Variants in NAALADL2 observed in about 807,000 individuals in gnomAD.
NAALADL2 encodes N-acetylated alpha-linked acidic dipeptidase like 2, also known as inactive N-acetylated-alpha-linked acidic dipeptidase-like protein 2.
NAALADL2 carries 76 observed loss-of-function variants against 87.2 expected under a neutral mutation model. The ratio of observed to expected loss-of-function variants is 0.87; its 90% CI spans 0.72 to 1.05. The LOEUF is 1.05. NAALADL2 is among the 50% of genes least tolerant of loss of function. The pLI, the probability that NAALADL2 is intolerant of heterozygous loss-of-function variation, is 0.00. For missense variants in NAALADL2, 1,089 were observed against 945.8 expected, an observed-to-expected ratio of 1.15 and a Z score of -1.99; for synonymous variants, 354 against 331.0, an observed-to-expected ratio of 1.07 and a Z score of -0.75.
chr3:174,757,477 T>C (rs984257806), intron 3 of NAALADL2, among the ~76,000 whole-genome samples: 3 of 152,040 alleles, frequency 2.0e-5, no homozygotes, highest in African/African-American at 7.2e-5. Context: ...TGGCCTGAGA[T>C]GAAAATAGAG....
At chr3:175,740,194 A>G (rs888237921) in intron 12 of NAALADL2, among the ~76,000 whole-genome samples, 14 of 152,244 alleles carry the variant, frequency 9.2e-5, no homozygotes, top group African/African-American at 3.1e-4. Context: ...AAGAGGAAGT[A>G]ATCAACTGTG....
In NAALADL2 at chr3:175,184,207, A is replaced by T. The variant is rs537055492; in HGVS notation, c.546-49724A>T. On this transcript the variant is annotated intron_variant, in intron 2 of 13. Transcript: ENST00000454872. Reference sequence around the variant, plus strand: ...TGTAGGATCAACGCCATCTGGAAGAATGGAGTTTGCATGAGAATTACTTTA... The same window carrying T: ...TGTAGGATCAACGCCATCTGGAAGATTGGAGTTTGCATGAGAATTACTTTA... Among the ~76,000 whole-genome samples the T allele has an allele frequency of 2.0e-5, 3 of 152,242 alleles. No individual in the cohort carries two copies. The East Asian group carries it at 5.8e-4, about 29-fold the overall frequency.
intron 1 of NAALADL2, among the ~76,000 whole-genome samples, chr3:174,497,742 G>A (rs890903616): frequency 3.9e-5 from 6 of 152,072 alleles, no homozygotes; most frequent in African/African-American, 1.4e-4. Flanking sequence ...TCTTTTGAAT[G>A]AATAAATGGT....
Position 175,749,636 on chromosome 3 carries a change from G to A in NAALADL2, c.1991-5584G>A, listed in dbSNP as rs893600785. 1.2e-3 allele frequency among the ~76,000 whole-genome samples: 182 copies of A among 152,292 alleles called. 1 individual carries two copies. Among genetic ancestry groups the A allele is most frequent in the Non-Finnish European group, 4.1e-4 (28 of 68,022 alleles). On this transcript the variant is annotated intron_variant, in intron 12 of 13. Transcript: ENST00000454872. ...AAAGCAGAGCCCCCAAGGCCTAATG[G>A]CCTCTGAAAGGCTCCACCTTCCAAT... is the stretch of plus-strand genomic sequence containing the variant.
intron 9 of NAALADL2, among the ~76,000 whole-genome samples, chr3:175,539,824 T>C (rs1711986078): frequency 6.6e-6 from 1 of 152,306 alleles, no homozygotes; most frequent in South Asian, 2.1e-4. Context: ...CTTTGAACTG[T>C]AGGGCATAGT....
intron 9 of NAALADL2, among the ~76,000 whole-genome samples, chr3:175,503,378 T>G (rs537399692): frequency 1.2e-4 from 19 of 152,284 alleles, no homozygotes; most frequent in Middle Eastern, 6.8e-3. Flanking sequence ...TGAATAGTGC[T>G]GAAATGAACA....
intron 2 of NAALADL2, among the ~76,000 whole-genome samples, chr3:175,114,232 A>G (rs1399843175): frequency 1.3e-5 from 2 of 151,652 alleles, no homozygotes; most frequent in Non-Finnish European, 3.0e-5. Context: ...CTCTGGAGAA[A>G]GAGAAGAATT....
chr3:174,887,524 G>T (rs1175739889), intron 1 of NAALADL2, among the ~76,000 whole-genome samples: 2 of 152,106 alleles, frequency 1.3e-5, no homozygotes, highest in Non-Finnish European at 2.9e-5. Flanking sequence ...GCCAGTCATG[G>T]TGGCTCACAT....
At position 174,721,594 on chromosome 3, in the gene NAALADL2, A is replaced by C. The variant is rs914240994; in HGVS notation, c.-114-16047A>C. On this transcript the variant is annotated intron_variant, in intron 2 of 3. Coordinates refer to the NAALADL2 transcript ENST00000434257. ...TTTGTGTCTGAATAAAATAAGTTTG[A>C]TGGTATGGAGGAGAGCTCGAAGCAG... 4.6e-5 allele frequency among the ~76,000 whole-genome samples: 7 copies of C among 152,208 alleles called. 1 individual carries two copies. The highest frequency in any genetic ancestry group is 1.2e-4 in the African/African-American group (5 of 41,454).
intron 5 of NAALADL2, among the ~76,000 whole-genome samples, chr3:175,354,436 C>T (rs1305370497): frequency 6.6e-6 from 1 of 151,742 alleles, no homozygotes; most frequent in African/African-American, 2.4e-5. Flanking sequence ...ATTAGTAATA[C>T]TCAAGAAATA....
At chr3:175,190,839 G>C (rs977141754) in intron 2 of NAALADL2, among the ~76,000 whole-genome samples, 5 of 151,844 alleles carry the variant, frequency 3.3e-5, no homozygotes, top group Non-Finnish European at 7.4e-5. Context: ...TTAGCCGGGC[G>C]TGGTGGCGGG....
chr3:175,566,295 C>A lies in NAALADL2; in HGVS notation c.1654-9746C>A, dbSNP rs138458859. 2.0e-3 allele frequency among the ~76,000 whole-genome samples: 309 copies of A among 152,308 alleles called. 2 individuals are homozygous for A. The highest frequency in any genetic ancestry group is 7.1e-3 in the African/African-American group (294 of 41,580). On this transcript the variant is annotated intron_variant, in intron 9 of 13. Transcript: ENST00000454872. ...AATACAAAAGTAATAAGCAAATTGA[C>A]AATGGGCAGTTTTTCTTCTAAACCC...
chr3:175,237,953 C>G (rs1047117714), intron 3 of NAALADL2, among the ~76,000 whole-genome samples: 1 of 152,118 alleles, frequency 6.6e-6, no homozygotes, highest in African/African-American at 2.4e-5. Flanking sequence ...AAATGAAAAA[C>G]TTAAGAGAAC....
intron 3 of NAALADL2, among the ~76,000 whole-genome samples, chr3:175,242,765 T>C (rs1747168501): frequency 6.6e-6 from 1 of 152,096 alleles, no homozygotes; most frequent in Non-Finnish European, 1.5e-5. Flanking sequence ...GGGGACACAG[T>C]GGTAAATAAG....
chr3:174,997,961 T>G (rs1375911017), intron 1 of NAALADL2, among the ~76,000 whole-genome samples: 1 of 152,188 alleles, frequency 6.6e-6, no homozygotes, highest in Non-Finnish European at 1.5e-5. Flanking sequence ...TAACCATGTT[T>G]CCTTAGATTA....
At chr3:174,813,414 A>G (rs1400420635) in intron 3 of NAALADL2, among the ~76,000 whole-genome samples, 2 of 151,894 alleles carry the variant, frequency 1.3e-5, no homozygotes, top group Non-Finnish European at 2.9e-5. Flanking sequence ...CTATGTTTAG[A>G]CACACAAATA....
chr3:174,605,972 C>G (rs1326602328), intron 2 of NAALADL2, among the ~76,000 whole-genome samples: 1 of 152,198 alleles, frequency 6.6e-6, no homozygotes, highest in East Asian at 1.9e-4. Context: ...TGAGACAAAA[C>G]TTCCAGAGGA....
intron 2 of NAALADL2, among the ~76,000 whole-genome samples, chr3:174,716,009 G>A (rs1235954953): frequency 6.6e-6 from 1 of 151,924 alleles, no homozygotes. Context: ...TTCTTCTCAT[G>A]TTTGCATGCA....
chr3:175,665,801 C>T (rs1333287331), intron 11 of NAALADL2, among the ~76,000 whole-genome samples: 1 of 151,986 alleles, frequency 6.6e-6, no homozygotes, highest in African/African-American at 2.4e-5. Context: ...CGTGGTGGTG[C>T]ATGCCTGTAG....
Sources: allele counts gnomAD v4.1 joint callset (sites outside exome capture counted in the v4.1 genomes callset), GRCh38; gene constraint gnomAD v4.1.1; transcripts MANE v1.5; gene names NCBI Gene and HGNC (gene_info 2026-07-23, HGNC 2026-07-21).